Variants in LINGO2 observed in about 807,000 individuals in gnomAD.
LINGO2 encodes the protein leucine rich repeat and Ig domain containing 2.
In LINGO2, 14 loss-of-function variants were observed where a neutral mutation model predicts 30.6. The observed-to-expected ratio is 0.46, with a 90% confidence interval of 0.30 to 0.72. The LOEUF is 0.72. LINGO2 is among the 30% of genes least tolerant of loss of function. The pLI is 0.07. For synonymous variants in LINGO2, 317 were observed against 288.5 expected (o/e 1.10, Z -1.00); for missense variants, 729 against 751.7 (o/e 0.97, Z 0.35).
the LINGO2 span, among the ~76,000 whole-genome samples, chr9:29,206,948 A>C: frequency 6.6e-6 from 1 of 152,014 alleles, no homozygotes; most frequent in African/African-American, 2.4e-5. Flanking sequence ...GCAATCCATA[A>C]TCATAAGCTT....
the LINGO2 span, among the ~76,000 whole-genome samples, chr9:29,175,582 A>G: frequency 7.3e-6 from 1 of 137,742 alleles, no homozygotes; most frequent in African/African-American, 2.8e-5. Flanking sequence ...GATGGAGTGC[A>G]GTGGAGCGAT....
intron 2 of LINGO2, among the ~76,000 whole-genome samples, chr9:28,443,120 G>T (rs1482985023): frequency 6.6e-6 from 1 of 152,130 alleles, no homozygotes; most frequent in Non-Finnish European, 1.5e-5. Flanking sequence ...GACGTAATAG[G>T]AAAAAGGAAG....
chr9:28,455,741 A>G (rs139964479), intron 2 of LINGO2, among the ~76,000 whole-genome samples: 1,548 of 152,228 alleles, frequency 0.01, 18 homozygotes, highest in South Asian at 0.03. Context: ...TACTTACATA[A>G]ACTATTATGG....
chr9:28,447,692 T>A lies in LINGO2; in HGVS notation c.-279+28248A>T, dbSNP rs1215239055. ...TATTTTGAAATGATTAATAGAATCT[T>A]CTCTCAGTATTCATTAAAGTCTAAA... is the stretch of plus-strand genomic sequence containing the variant. On this transcript the variant is annotated intron_variant, in intron 2 of 5. Coordinates refer to ENST00000379992, the Ensembl canonical transcript of LINGO2. Among the ~76,000 whole-genome samples, 6 of 152,306 alleles carry A rather than the reference T, an allele frequency of 3.9e-5. No homozygotes were observed. The East Asian group carries it at 1.2e-3, about 29-fold the overall frequency.
At chr9:28,944,374 A>G in the LINGO2 span, among the ~76,000 whole-genome samples, 3 of 88,592 alleles carry the variant, frequency 3.4e-5, no homozygotes, top group South Asian at 3.3e-4. Context: ...CTGTCTGTCT[A>G]TCTATCTACA....
chr9:28,005,555 A>C (rs1822222801), intron 5 of LINGO2, among the ~76,000 whole-genome samples: 1 of 151,870 alleles, frequency 6.6e-6, no homozygotes, highest in Admixed American at 6.6e-5. Flanking sequence ...TGATATACTT[A>C]TTTTTTAAGT....
Position 28,368,066 on chromosome 9 carries a change from C to T in LINGO2, c.-246+4770G>A, listed in dbSNP as rs539952730. 2.0e-5 allele frequency among the ~76,000 whole-genome samples: 3 copies of T among 152,206 alleles called. No homozygotes were observed. In the East Asian group the frequency reaches 5.8e-4, roughly 29 times the overall value. Reference sequence around the variant, plus strand: ...TACCTCTATCTCTGTATCTCTATCTCTATCTCATCTATCTATACATCCTGT... The same window carrying T: ...TACCTCTATCTCTGTATCTCTATCTTTATCTCATCTATCTATACATCCTGT... On this transcript the variant is annotated intron_variant, in intron 3 of 5. Coordinates refer to ENST00000379992, the Ensembl canonical transcript of LINGO2.
the LINGO2 span, among the ~76,000 whole-genome samples, chr9:29,042,738 A>G: frequency 2.0e-5 from 3 of 151,980 alleles, no homozygotes; most frequent in African/African-American, 7.2e-5. Context: ...CTTAATTAAC[A>G]TATTTGTTGC....
At chr9:28,102,342 T>G (rs1826442924) in intron 4 of LINGO2, among the ~76,000 whole-genome samples, 1 of 152,180 alleles carries the variant, frequency 6.6e-6, no homozygotes, top group Non-Finnish European at 1.5e-5. Context: ...ATTCAAGTAT[T>G]AATTCTGATT....
At chr9:29,066,153 C>T in the LINGO2 span, among the ~76,000 whole-genome samples, 14 of 151,746 alleles carry the variant, frequency 9.2e-5, no homozygotes, top group South Asian at 2.9e-3. Context: ...TATTTATTAG[C>T]CATTGGATTG....
intron 1 of LINGO2, among the ~76,000 whole-genome samples, chr9:28,600,654 C>A (rs1021482546): frequency 6.6e-6 from 1 of 152,034 alleles, no homozygotes; most frequent in Non-Finnish European, 1.5e-5. Flanking sequence ...TCAAAATGAG[C>A]TACAAAACAA....
the LINGO2 span, among the ~76,000 whole-genome samples, chr9:28,968,567 T>C: frequency 7.1e-4 from 108 of 152,324 alleles, no homozygotes; most frequent in Non-Finnish European, 1.4e-3. Context: ...TTCAAAAGCC[T>C]ATGACAGAGC....
chr9:28,795,391 A>G, the LINGO2 span, among the ~76,000 whole-genome samples: 1 of 152,192 alleles, frequency 6.6e-6, no homozygotes, highest in Non-Finnish European at 1.5e-5. Context: ...CAGTAGGAAG[A>G]GCCCAGAAAA....
chr9:28,786,878 C>T, the LINGO2 span, among the ~76,000 whole-genome samples: 8 of 152,192 alleles, frequency 5.3e-5, no homozygotes, highest in African/African-American at 1.7e-4. Flanking sequence ...GAACAATGCT[C>T]AGAAAAAGAA....
At chr9:28,819,798 T>C in the LINGO2 span, among the ~76,000 whole-genome samples, 1 of 152,178 alleles carries the variant, frequency 6.6e-6, no homozygotes, top group African/African-American at 2.4e-5. Context: ...TCCTTGTGAG[T>C]TTATGAAGTT....
chr9:28,285,509 C>A (rs1823476126), intron 4 of LINGO2, among the ~76,000 whole-genome samples: 1 of 149,520 alleles, frequency 6.7e-6, no homozygotes, highest in Non-Finnish European at 1.5e-5. Flanking sequence ...GGGTTCATGC[C>A]ATTCTCCTGC....
chr9:28,167,778 A>C (rs913772014), intron 4 of LINGO2, among the ~76,000 whole-genome samples: 8 of 152,248 alleles, frequency 5.3e-5, no homozygotes, highest in African/African-American at 1.4e-4. Context: ...AGGTTACTGC[A>C]TTATGGCTGA....
At chr9:28,341,294 A>G (rs994508525) in intron 3 of LINGO2, among the ~76,000 whole-genome samples, 4 of 152,124 alleles carry the variant, frequency 2.6e-5, no homozygotes, top group African/African-American at 9.7e-5. Flanking sequence ...ATCTAATAAA[A>G]CACAACAGAA....
chr9:28,694,178 A>G, the LINGO2 span, among the ~76,000 whole-genome samples: 1 of 151,794 alleles, frequency 6.6e-6, no homozygotes, highest in Non-Finnish European at 1.5e-5. Context: ...ACACATTTTT[A>G]TTTTCAAATA....
Sources: gnomAD v4.1 joint callset for allele counts (sites outside exome capture counted in the v4.1 genomes callset) on GRCh38, gnomAD v4.1.1 for gene constraint, MANE v1.5 for transcripts, NCBI Gene and HGNC (gene_info 2026-07-23, HGNC 2026-07-21) for gene names.